The following PCDH9 variants were observed in gnomAD, a reference collection of about 807,000 sequenced individuals.
PCDH9 encodes protocadherin-9.
A neutral mutation model predicts 70.6 loss-of-function variants in PCDH9; 24 were observed. That is an observed-to-expected ratio of 0.34 (90% CI 0.25 to 0.48). The LOEUF (loss-of-function observed/expected upper bound fraction) is 0.48, where lower values mean the gene tolerates loss of function less well. PCDH9 is among the 20% of genes least tolerant of loss of function. The pLI is 0.99. For missense variants in PCDH9, 1,281 were observed against 1,503.6 expected (o/e 0.85, Z 2.45); for synonymous variants, 562 against 558.5 (o/e 1.01, Z -0.09).
At chr13:66,713,625 G>GTGTGTATATATATATA (rs1379996611) in intron 3 of PCDH9, among the ~76,000 whole-genome samples, 3 of 109,996 alleles carry the variant, frequency 2.7e-5, no homozygotes, top group African/African-American at 1.1e-4. Context: ...GTGTGTGTGT[G>GTGTGTATATATATATA]TATATATATA....
intron 2 of PCDH9, among the ~76,000 whole-genome samples, chr13:67,023,716 C>G (rs1032209253): frequency 5.9e-5 from 9 of 152,042 alleles, no homozygotes; most frequent in African/African-American, 1.4e-4. Context: ...AATGGCTAAC[C>G]ACAGACCACA....
chr13:67,196,768 C>T lies in PCDH9; in HGVS notation c.3036+28637G>A, dbSNP rs370099570. 2.4e-4 allele frequency among the ~76,000 whole-genome samples: 37 copies of T among 151,996 alleles called. 2 individuals are homozygous for T. In the South Asian group the frequency reaches 7.1e-3, roughly 29 times the overall value. ...GAATGAGTGTTAGATTACCAAAAAA[C>T]CCAAAATCCTACCTAAGCCAAATAG... On this transcript the variant is annotated intron_variant, in intron 2 of 4. Coordinates refer to ENST00000377865, the MANE Select transcript of PCDH9 (RefSeq NM_203487.3).
chr13:66,730,910 G>T (rs2079071318), intron 3 of PCDH9, among the ~76,000 whole-genome samples: 1 of 84,370 alleles, frequency 1.2e-5, no homozygotes, highest in Non-Finnish European at 2.2e-5. Flanking sequence ...TTTTTGTGGA[G>T]ACAGAGGTCT....
intron 4 of PCDH9, among the ~76,000 whole-genome samples, chr13:66,480,810 G>C (rs1958821709): frequency 1.3e-5 from 2 of 152,080 alleles, no homozygotes; most frequent in African/African-American, 4.8e-5. Flanking sequence ...CCATTTCTGG[G>C]TATATAACCA....
At chr13:66,503,076 A>T (rs1042582513) in intron 4 of PCDH9, among the ~76,000 whole-genome samples, 4 of 152,202 alleles carry the variant, frequency 2.6e-5, no homozygotes, top group African/African-American at 9.6e-5. Context: ...AAACATAAAT[A>T]TAATTAAATA....
chr13:66,521,844 C>G (rs1960003708), intron 4 of PCDH9, among the ~76,000 whole-genome samples: 1 of 151,994 alleles, frequency 6.6e-6, no homozygotes, highest in South Asian at 2.1e-4. Context: ...TATGAAAGAA[C>G]TGTGTACACA....
intron 3 of PCDH9, among the ~76,000 whole-genome samples, chr13:66,881,050 A>C (rs2081913643): frequency 6.6e-6 from 1 of 152,240 alleles, no homozygotes. Context: ...TCAATAATTC[A>C]TGCAAAGTAT....
intron 3 of PCDH9, among the ~76,000 whole-genome samples, chr13:66,648,784 G>C (rs958916611): frequency 6.6e-6 from 1 of 152,030 alleles, no homozygotes; most frequent in Non-Finnish European, 1.5e-5. Context: ...CTTCCAGACA[G>C]AGATTCAAAA....
chr13:66,468,130 C>A (rs1958551021), intron 4 of PCDH9, among the ~76,000 whole-genome samples: 1 of 151,956 alleles, frequency 6.6e-6, no homozygotes, highest in African/African-American at 2.4e-5. Context: ...GTCCTAATTA[C>A]CTTTCTTCCC....
chr13:67,128,003 T>C (rs2087021273), intron 2 of PCDH9, among the ~76,000 whole-genome samples: 1 of 152,170 alleles, frequency 6.6e-6, no homozygotes, highest in Admixed American at 6.6e-5. Flanking sequence ...TACAGCGGTA[T>C]TCTCATCAAA....
chr13:66,870,752 G>A (rs1448430143), intron 3 of PCDH9, among the ~76,000 whole-genome samples: 1 of 152,154 alleles, frequency 6.6e-6, no homozygotes, highest in East Asian at 1.9e-4. Flanking sequence ...GTGCTGGAGA[G>A]GATGTGGAGA....
chr13:66,457,202 T>C (rs2138442948), intron 4 of PCDH9, among the ~76,000 whole-genome samples: 1 of 152,208 alleles, frequency 6.6e-6, no homozygotes, highest in Admixed American at 6.6e-5. Flanking sequence ...TTTATATGGA[T>C]TATGGCATAC....
At chr13:66,543,839 T>C (rs1961070051) in intron 4 of PCDH9, among the ~76,000 whole-genome samples, 1 of 152,158 alleles carries the variant, frequency 6.6e-6, no homozygotes, top group South Asian at 2.1e-4. Flanking sequence ...GCAGAGATCA[T>C]GGAGACTGAA....
chr13:66,645,729 A>G (rs1330014290), intron 3 of PCDH9, among the ~76,000 whole-genome samples: 3 of 152,216 alleles, frequency 2.0e-5, no homozygotes, highest in Non-Finnish European at 2.9e-5. Flanking sequence ...CCTACTTTCT[A>G]TCAGAGACCC....
At chr13:66,588,724 C>G (rs2076997657) in intron 4 of PCDH9, among the ~76,000 whole-genome samples, 1 of 151,444 alleles carries the variant, frequency 6.6e-6, no homozygotes, top group African/African-American at 2.4e-5. Context: ...TAAACAAGTT[C>G]TTTTCTTGAA....
At chr13:66,596,921 CATT>C (rs1216840745) in intron 4 of PCDH9, among the ~76,000 whole-genome samples, 1 of 149,018 alleles carries the variant, frequency 6.7e-6, no homozygotes, top group African/African-American at 2.5e-5. Context: ...GTACCTTTCT[CATT>C]TAGAGTTACC....
At chr13:66,790,064 G>C (rs1416502835) in intron 3 of PCDH9, among the ~76,000 whole-genome samples, 2 of 152,022 alleles carry the variant, frequency 1.3e-5, no homozygotes, top group African/African-American at 4.8e-5. Context: ...ACCAATTTTT[G>C]TTTCCATGAT....
intron 2 of PCDH9, among the ~76,000 whole-genome samples, chr13:66,998,402 T>A (rs1273557377): frequency 6.6e-6 from 1 of 152,252 alleles, no homozygotes; most frequent in Non-Finnish European, 1.5e-5. Context: ...AAAATATCTG[T>A]CTATAGCTCT....
intron 2 of PCDH9, among the ~76,000 whole-genome samples, chr13:67,037,977 C>T (rs1049547379): frequency 5.9e-5 from 9 of 151,622 alleles, no homozygotes; most frequent in Admixed American, 6.6e-5. Context: ...AGAATACTGA[C>T]GTATAAAACA....
Sources: allele counts gnomAD v4.1 joint callset (sites outside exome capture counted in the v4.1 genomes callset), GRCh38; gene constraint gnomAD v4.1.1; transcripts MANE v1.5; gene names NCBI Gene and HGNC (gene_info 2026-07-23, HGNC 2026-07-21).